Variants in NUSAP1 observed in about 807,000 individuals in gnomAD.
NUSAP1 encodes nucleolar and spindle-associated protein 1.
Under a neutral mutation model 52.8 loss-of-function variants are expected in NUSAP1, and 32 were observed. The ratio of observed to expected loss-of-function variants is 0.61; its 90% CI spans 0.46 to 0.81. The LOEUF is 0.81. Among genes scored for constraint, NUSAP1 ranks in the 40% least tolerant of loss-of-function variants. The pLI is 0.00. For synonymous variants in NUSAP1, 195 were observed against 183.1 expected (o/e 1.06, Z -0.52); for missense variants, 499 against 522.3 (o/e 0.96, Z 0.43).
intron 3 of NUSAP1, 37 bp downstream of exon 3, chr15:41,349,278 A>G (rs759476326): frequency 1.9e-6 from 3 of 1,587,652 alleles, no homozygotes; most frequent in Non-Finnish European, 2.6e-6. Flanking sequence ...TAAACCACCT[A>G]TGCCAAAATT....
chr15:41,347,674 C>A (rs1386434373), intron 2 of NUSAP1, among the ~76,000 whole-genome samples: 1 of 151,856 alleles, frequency 6.6e-6, no homozygotes, highest in African/African-American at 2.4e-5. Flanking sequence ...ATTAGCCAGG[C>A]GTGGTGGCGG....
intron 8 of NUSAP1, among the ~76,000 whole-genome samples, chr15:41,372,390 T>A (rs1011904967): frequency 2.0e-5 from 3 of 152,176 alleles, no homozygotes; most frequent in Non-Finnish European, 2.9e-5. Flanking sequence ...TTTCACAGTA[T>A]TTTTCAGTGG....
intron 2 of NUSAP1, among the ~76,000 whole-genome samples, chr15:41,347,859 A>C (rs1361644862): frequency 6.6e-6 from 1 of 152,010 alleles, no homozygotes; most frequent in African/African-American, 2.4e-5. Context: ...ATAGAGGCTC[A>C]CGTGTGTAAT....
chr15:41,346,826 CAAAAATAAATAAA>C (rs775437978), intron 2 of NUSAP1, among the ~76,000 whole-genome samples: 3,659 of 129,932 alleles, frequency 0.028, 63 homozygotes, highest in African/African-American at 0.041. Context: ...GACCCCGTCT[CAAAAATAAATAAA>C]TAAATAAATA....
chr15:41,345,279 C>T (rs939441380), intron 2 of NUSAP1, among the ~76,000 whole-genome samples: 4 of 151,466 alleles, frequency 2.6e-5, no homozygotes, highest in Non-Finnish European at 5.9e-5. Context: ...GGATTACAGA[C>T]GCTCTGCCAG....
At position 41,349,296 on chromosome 15, in the gene NUSAP1, T is replaced by C. The variant is rs1003499031; in HGVS notation, c.306+55T>C. ...ACCACCTATGCCAAAATTGGCATAC[T>C]TTTATGGAGATTTCTTTTTAAATTC... On this transcript the variant is annotated intron_variant, in intron 3 of 10. Coordinates refer to ENST00000559596, the MANE Select transcript of NUSAP1 (RefSeq NM_016359.5). 7.3e-6 allele frequency: 11 copies of C among 1,508,616 alleles called. No individual in the cohort carries two copies. In the South Asian group the frequency reaches 1.3e-4, roughly 17 times the overall value. 93.5% of individuals were successfully genotyped at this position (1,508,616 alleles called of 1,614,324 possible).
intron 1 of NUSAP1, among the ~76,000 whole-genome samples, chr15:41,334,558 A>G (rs186436765): frequency 6.6e-6 from 1 of 152,304 alleles, no homozygotes; most frequent in Non-Finnish European, 1.5e-5. Flanking sequence ...TCTCAGCCTA[A>G]ATTCCTTAGG....
intron 1 of NUSAP1, among the ~76,000 whole-genome samples, chr15:41,333,882 A>G (rs2140482162): frequency 6.6e-6 from 1 of 152,314 alleles, no homozygotes; most frequent in South Asian, 2.1e-4. Context: ...ACTGCACTCC[A>G]ACTTCGGTGA....
intron 7 of NUSAP1, chr15:41,365,876 A>G (rs1356804459): frequency 5.9e-6 from 1 of 170,636 alleles, no homozygotes; most frequent in Non-Finnish European, 1.3e-5. Context: ...ACGTGCCACC[A>G]TGCCCGGCTA....
At chr15:41,379,851 A>T (rs2050138866) in intron 10 of NUSAP1, among the ~76,000 whole-genome samples, 1 of 152,154 alleles carries the variant, frequency 6.6e-6, no homozygotes. Context: ...CCCGGCCTCC[A>T]TGCATGATTT....
chr15:41,379,556 G>C (rs1321488133), intron 10 of NUSAP1, among the ~76,000 whole-genome samples: 1 of 151,956 alleles, frequency 6.6e-6, no homozygotes, highest in East Asian at 1.9e-4. Context: ...ATTTTTGTTT[G>C]TTTGTTTTGA....
chr15:41,360,507 G>A lies in NUSAP1; in HGVS notation c.660+2249G>A, dbSNP rs553897602. ...AATTTTTTGTATTTTTAGTAGAGAC[G>A]GGGTTTCACTATGTTGGCCAGGCTA... On this transcript the variant is annotated intron_variant, in intron 6 of 10. Transcript: ENST00000559596. Among the ~76,000 whole-genome samples the A allele has an allele frequency of 1.4e-4, 22 of 152,102 alleles. No homozygotes were observed. The South Asian group carries it at 2.5e-3, about 17-fold the overall frequency.
intron 5 of NUSAP1, among the ~76,000 whole-genome samples, chr15:41,356,633 G>A (rs987555541): frequency 2.0e-5 from 3 of 152,120 alleles, no homozygotes; most frequent in African/African-American, 4.8e-5. Context: ...GATTCCAGGC[G>A]TCAGCCACTC....
At chr15:41,346,088 A>C (rs755713897) in intron 2 of NUSAP1, among the ~76,000 whole-genome samples, 1 of 150,958 alleles carries the variant, frequency 6.6e-6, no homozygotes, top group Non-Finnish European at 1.5e-5. Context: ...TTACAGATGC[A>C]CACCACCATG....
intron 1 of NUSAP1, among the ~76,000 whole-genome samples, chr15:41,336,648 G>GTTTTTTTTTTTTTTTGTTTTTT (rs2048147306): frequency 1.1e-5 from 1 of 91,372 alleles, no homozygotes; most frequent in African/African-American, 4.0e-5. Flanking sequence ...CCTCCTTTTG[G>GTTTTTTTTTTTTTTTGTTTTTT]TTTTTTTTTT....
At chr15:41,344,797 C>G (rs1338070305) in intron 2 of NUSAP1, among the ~76,000 whole-genome samples, 1 of 151,970 alleles carries the variant, frequency 6.6e-6, no homozygotes, top group African/African-American at 2.4e-5. Context: ...AAAAATTAGC[C>G]GAGCATGGAT....
chr15:41,358,037 G>A, intron 5 of NUSAP1, 112 bp from the exon 6 acceptor site: 3 of 512,950 alleles, frequency 5.8e-6, no homozygotes, highest in Non-Finnish European at 1.0e-5. Context: ...AAATTATATT[G>A]AAGTTGAATG....
chr15:41,380,542 A>G lies in NUSAP1; in HGVS notation c.*356A>G, dbSNP rs2050169580. ...TCTGCTAGCCAATAGCATTTACCTG[A>G]TGGCAGCTAGTTATGCAAGCTTCAG... On this transcript the variant is annotated 3_prime_UTR_variant, in exon 11 of 11. Coordinates refer to ENST00000559596, the MANE Select transcript of NUSAP1 (RefSeq NM_016359.5). 1 of 177,520 alleles carries G rather than the reference A, an allele frequency of 5.6e-6. No individual in the cohort carries two copies. The highest frequency in any genetic ancestry group is 5.9e-5 in the Admixed American group (1 of 17,024). 11.0% of individuals were successfully genotyped at this position (177,520 alleles called of 1,614,324 possible).
chr15:41,348,732 C>T (rs557710509), intron 2 of NUSAP1, among the ~76,000 whole-genome samples: 11 of 152,156 alleles, frequency 7.2e-5, no homozygotes, highest in South Asian at 6.2e-4. Context: ...CTCCCCTTGC[C>T]GGGTCAAGTG....
Sources: gnomAD v4.1 joint callset for allele counts (sites outside exome capture counted in the v4.1 genomes callset) on GRCh38, gnomAD v4.1.1 for gene constraint, MANE v1.5 for transcripts, NCBI Gene and HGNC (gene_info 2026-07-23, HGNC 2026-07-21) for gene names.